MCC: variants seen among roughly 807,000 people sequenced by gnomAD.
MCC encodes the protein MCC regulator of Wnt signaling pathway.
In MCC, 90 loss-of-function variants were observed where a neutral mutation model predicts 116.2. The ratio of observed to expected loss-of-function variants is 0.77; its 90% confidence interval spans 0.65 to 0.92. The LOEUF is 0.92. Ranked by LOEUF, MCC falls within the 40% of genes least tolerant of loss-of-function variation. MCC has a pLI of 0.00. For synonymous variants in MCC, 578 were observed against 510.5 expected, an observed-to-expected ratio of 1.13 and a Z score of -1.78; for missense variants, 1,516 against 1,312.2, an observed-to-expected ratio of 1.16 and a Z score of -2.40.
At position 113,143,309 on chromosome 5, in the gene MCC, T is replaced by A; in HGVS notation, c.793A>T (p.Thr265Ser). Residue 265 changes from threonine (T) to serine (S), a missense_variant, in exon 5 of 19, where the codon ACA (threonine) becomes TCA (serine). By Grantham distance (58) the Thr-to-Ser change is moderately conservative (BLOSUM62 1). Coordinates refer to ENST00000408903, the MANE Select transcript of MCC (RefSeq NM_001085377.2). ...GTGATGCGTTCCTCATAGCGAAGTGTCGTTCGCTCCTGGACATCCTCATGC... is the reference window on the plus strand; with the variant it reads ...GTGATGCGTTCCTCATAGCGAAGTGACGTTCGCTCCTGGACATCCTCATGC... ...REHEDVQERT[T>S]LRYEERITEL... is the part of the protein sequence containing the mutation. 6.2e-7 allele frequency: 1 copy of A among 1,613,732 alleles called. No homozygotes were observed. The highest frequency in any genetic ancestry group is 8.5e-7 in the Non-Finnish European group (1 of 1,179,864).
intron 6 of MCC, among the ~76,000 whole-genome samples, chr5:113,108,336 A>C (rs1193285877): frequency 4.3e-4 from 45 of 103,728 alleles, no homozygotes; most frequent in African/African-American, 2.5e-3. Flanking sequence ...TATCTTAAAA[A>C]AAAAAAAAAA....
intron 3 of MCC, among the ~76,000 whole-genome samples, chr5:113,329,016 C>T (rs1767632099): frequency 6.6e-6 from 1 of 152,176 alleles, no homozygotes; most frequent in Non-Finnish European, 1.5e-5. Flanking sequence ...TCAAACAAAC[C>T]TGGGTTCACA....
At chr5:113,159,233 T>C (rs545453488) in intron 3 of MCC, among the ~76,000 whole-genome samples, 1 of 152,316 alleles carries the variant, frequency 6.6e-6, no homozygotes, top group East Asian at 1.9e-4. Context: ...TTGCCTGGCA[T>C]GTTCACCTGT....
intron 1 of MCC, among the ~76,000 whole-genome samples, chr5:113,443,839 A>G (rs1771122983): frequency 4.6e-5 from 7 of 152,058 alleles, no homozygotes. Flanking sequence ...CATCCCAGGT[A>G]TTGAGATGGA....
At chr5:113,271,622 A>G (rs1765621324) in intron 3 of MCC, among the ~76,000 whole-genome samples, 1 of 152,182 alleles carries the variant, frequency 6.6e-6, no homozygotes, top group South Asian at 2.1e-4. Flanking sequence ...TGTTCCCCAC[A>G]TTGGGAATGT....
At chr5:113,041,293 T>C (rs970725528) in intron 17 of MCC, among the ~76,000 whole-genome samples, 11 of 152,162 alleles carry the variant, frequency 7.2e-5, no homozygotes, top group Non-Finnish European at 1.5e-5. Context: ...CACTGTACCC[T>C]TCCCCTCCAA....
At chr5:113,484,578 T>G (rs1437505946) in intron 1 of MCC, among the ~76,000 whole-genome samples, 1 of 152,144 alleles carries the variant, frequency 6.6e-6, no homozygotes, top group Non-Finnish European at 1.5e-5. Context: ...AAGGGCACTT[T>G]GAAAGAAAGC....
At chr5:113,476,847 T>C (rs933453492) in intron 1 of MCC, among the ~76,000 whole-genome samples, 1 of 152,194 alleles carries the variant, frequency 6.6e-6, no homozygotes, top group Non-Finnish European at 1.5e-5. Context: ...CGACTCTGAA[T>C]ATATAAGACC....
chr5:113,280,011 A>C (rs1216951631), intron 3 of MCC, among the ~76,000 whole-genome samples: 2 of 152,214 alleles, frequency 1.3e-5, no homozygotes, highest in Non-Finnish European at 2.9e-5. Flanking sequence ...ATCTGCAACA[A>C]TTCCAGCTCC....
intron 2 of MCC, among the ~76,000 whole-genome samples, chr5:113,377,585 G>C (rs1769018159): frequency 6.6e-6 from 1 of 152,142 alleles, no homozygotes; most frequent in Admixed American, 6.5e-5. Context: ...GATGAGGGAG[G>C]ATCCATACCT....
At chr5:113,042,952 G>A (rs907062533) in intron 17 of MCC, among the ~76,000 whole-genome samples, 1 of 152,110 alleles carries the variant, frequency 6.6e-6, no homozygotes, top group Admixed American at 6.6e-5. Context: ...ATTTCTGCTG[G>A]ACAATGCTGC....
intron 1 of MCC, among the ~76,000 whole-genome samples, chr5:113,418,283 A>G (rs1770213697): frequency 6.6e-6 from 1 of 150,600 alleles, no homozygotes; most frequent in African/African-American, 2.5e-5. Flanking sequence ...TAAAACAAAA[A>G]TAAAAATAAA....
At chr5:113,248,408 G>A (rs963935618) in intron 3 of MCC, among the ~76,000 whole-genome samples, 5 of 152,082 alleles carry the variant, frequency 3.3e-5, no homozygotes, top group African/African-American at 1.2e-4. Context: ...TCAGTTTTAT[G>A]TTACTGTCAC....
chr5:113,363,282 CAAAAACAA>C (rs1197438911), intron 2 of MCC, among the ~76,000 whole-genome samples: 2 of 151,826 alleles, frequency 1.3e-5, no homozygotes, highest in Admixed American at 6.6e-5. Flanking sequence ...TCTCAAAAAA[CAAAAACAA>C]AAAAACAAAC....
At chr5:113,070,411 GC>G (rs1263011634) in intron 12 of MCC, among the ~76,000 whole-genome samples, 1 of 152,060 alleles carries the variant, frequency 6.6e-6, no homozygotes. Context: ...AAAAAAAGTG[GC>G]CCATTCAAAT....
intron 2 of MCC, 145 bp from the exon 3 acceptor site, chr5:113,340,875 GCTTTC>G (rs1767993981): frequency 1.5e-6 from 1 of 663,974 alleles, no homozygotes. Flanking sequence ...CATGCTAAGC[GCTTTC>G]TCTTTCAAAC....
chr5:113,046,398 G>C (rs1752075855), intron 16 of MCC, among the ~76,000 whole-genome samples: 1 of 151,952 alleles, frequency 6.6e-6, no homozygotes, highest in Non-Finnish European at 1.5e-5. Flanking sequence ...CACCATGTTG[G>C]TGATGCTGGT....
rs950309057 is a variant in MCC, at chr5:113,027,087, C to G, written c.*215G>C. 66 of 563,994 alleles carry G rather than the reference C, an allele frequency of 1.2e-4. No individual in the cohort carries two copies. In the East Asian group the frequency reaches 1.9e-3, roughly 17 times the overall value. 34.9% of individuals were successfully genotyped at this position (563,994 alleles called of 1,614,324 possible). On this transcript the variant is annotated 3_prime_UTR_variant, in exon 19 of 19. Transcript: ENST00000408903. ...ATGTGTTTACACGCTGTTGTGGGCCCAGGAGGGAAGAGCGGGCACCTCTGG... is the reference window on the plus strand; with the variant it reads ...ATGTGTTTACACGCTGTTGTGGGCCGAGGAGGGAAGAGCGGGCACCTCTGG...
At chr5:113,046,685 C>CAAAAA (rs151183145) in intron 16 of MCC, among the ~76,000 whole-genome samples, 20 of 58,378 alleles carry the variant, frequency 3.4e-4, no homozygotes, top group African/African-American at 1.1e-3. Flanking sequence ...ACTCAAAAGG[C>CAAAAA]AAAAAAAAAA....
Sources: allele counts gnomAD v4.1 joint callset (sites outside exome capture counted in the v4.1 genomes callset), GRCh38; gene constraint gnomAD v4.1.1; transcripts MANE v1.5; gene names NCBI Gene and HGNC (gene_info 2026-07-23, HGNC 2026-07-21).